FNIP1: variants seen among roughly 807,000 people sequenced by gnomAD.
The protein encoded by FNIP1 is folliculin-interacting protein 1.
Under a neutral mutation model 124.5 loss-of-function variants are expected in FNIP1, and 40 were observed. The ratio of observed to expected loss-of-function variants is 0.32; its 90% CI spans 0.25 to 0.42. The LOEUF is 0.42. Among genes scored for constraint, FNIP1 ranks in the 10% least tolerant of loss-of-function variants. The pLI is 1.00. For missense variants in FNIP1, 1,176 were observed against 1,403.7 expected (o/e 0.84, Z 2.59); for synonymous variants, 472 against 470.6 (o/e 1.00, Z -0.04).
intron 11 of FNIP1, among the ~76,000 whole-genome samples, chr5:131,683,389 A>T (rs181793382): frequency 2.2e-3 from 334 of 151,966 alleles, no homozygotes; most frequent in Middle Eastern, 0.02. Context: ...GCTACTAAAA[A>T]TACAAAAAAA....
intron 7 of FNIP1, among the ~76,000 whole-genome samples, 186 bp from the exon 8 acceptor site, chr5:131,709,458 A>G (rs1421899841): frequency 6.6e-6 from 1 of 152,222 alleles, no homozygotes; most frequent in African/African-American, 2.4e-5. Context: ...AGCTCTGTGA[A>G]GATTTGATAC....
chr5:131,664,537 G>T (rs1767535095), intron 15 of FNIP1, among the ~76,000 whole-genome samples: 1 of 150,552 alleles, frequency 6.6e-6, no homozygotes, highest in African/African-American at 2.4e-5. Flanking sequence ...TGGGCAAGCT[G>T]AGATGGGAGA....
intron 11 of FNIP1, among the ~76,000 whole-genome samples, chr5:131,682,274 G>A (rs942263184): frequency 6.6e-6 from 1 of 152,138 alleles, no homozygotes; most frequent in Non-Finnish European, 1.5e-5. Context: ...TCCAATGAGA[G>A]CCTTTGCTTT....
chr5:131,677,973 G>A, intron 12 of FNIP1, 101 bp from the exon 13 acceptor site: 1 of 1,143,156 alleles, frequency 8.7e-7, no homozygotes, highest in Middle Eastern at 2.1e-4. Flanking sequence ...ATGTTCATGT[G>A]GCCAAATGGC....
intron 15 of FNIP1, among the ~76,000 whole-genome samples, chr5:131,657,736 C>CAAAAAAAAAAAA (rs59097834): frequency 6.1e-5 from 4 of 65,046 alleles, no homozygotes; most frequent in African/African-American, 2.5e-4. Flanking sequence ...GAAAATAAGG[C>CAAAAAAAAAAAA]AAAAAAAAAA....
chr5:131,751,426 GA>G (rs1348294398), intron 1 of FNIP1, among the ~76,000 whole-genome samples: 4 of 149,416 alleles, frequency 2.7e-5, no homozygotes, highest in Admixed American at 6.7e-5. Context: ...TCTTCCACTA[GA>G]AAAAAAAAGC....
intron 3 of FNIP1, among the ~76,000 whole-genome samples, chr5:131,725,660 C>T (rs1289741479): frequency 6.6e-6 from 1 of 152,196 alleles, no homozygotes; most frequent in East Asian, 1.9e-4. Context: ...AATTTGACTT[C>T]CTCTCTTCCT....
chr5:131,726,237 T>C (rs1388788017), intron 3 of FNIP1, among the ~76,000 whole-genome samples: 1 of 152,214 alleles, frequency 6.6e-6, no homozygotes, highest in Non-Finnish European at 1.5e-5. Context: ...TTTCCTTTTT[T>C]TCTATTGATT....
At chr5:131,691,038 A>G (rs1299625952) in intron 11 of FNIP1, among the ~76,000 whole-genome samples, 1 of 152,194 alleles carries the variant, frequency 6.6e-6, no homozygotes, top group African/African-American at 2.4e-5. Context: ...TACCTCATCC[A>G]AAAACAGGAG....
At chr5:131,735,588 G>T (rs547001699) in intron 2 of FNIP1, among the ~76,000 whole-genome samples, 6 of 146,918 alleles carry the variant, frequency 4.1e-5, no homozygotes, top group African/African-American at 1.5e-4. Context: ...ACATATACAC[G>T]TATTTATATA....
chr5:131,755,993 C>T lies in FNIP1; in HGVS notation c.93-11303G>A, dbSNP rs755387788. On this transcript the variant is annotated intron_variant, in intron 1 of 17. Transcript: ENST00000510461. ...TTGTACCACTGTATTCCAGCCTGGG[C>T]GACAGAGAGACTGTGTCAAAAAAAA... is the stretch of plus-strand genomic sequence containing the variant. Among the ~76,000 whole-genome samples, 158 of 146,398 alleles carry T rather than the reference C, an allele frequency of 1.1e-3. 2 individuals are homozygous for T. Among genetic ancestry groups the T allele is most frequent in the Non-Finnish European group, 4.3e-4 (29 of 67,074 alleles).
chr5:131,668,036 T>C (rs977160506), intron 15 of FNIP1, among the ~76,000 whole-genome samples: 1 of 152,200 alleles, frequency 6.6e-6, no homozygotes, highest in Non-Finnish European at 1.5e-5. Context: ...TTCTCAATAA[T>C]TGATGGCAGA....
chr5:131,675,695 T>C (rs1368767981), intron 13 of FNIP1, among the ~76,000 whole-genome samples: 1 of 151,786 alleles, frequency 6.6e-6, no homozygotes, highest in Non-Finnish European at 1.5e-5. Flanking sequence ...AGTGGCTGCC[T>C]AGGGATGGTG....
At chr5:131,707,402 T>C (rs538168367) in intron 8 of FNIP1, among the ~76,000 whole-genome samples, 7 of 152,320 alleles carry the variant, frequency 4.6e-5, no homozygotes, top group Non-Finnish European at 8.8e-5. Context: ...CAGGGAACCA[T>C]TATCATCACT....
chr5:131,673,813 ATCAC>A (rs1240573501), intron 13 of FNIP1, among the ~76,000 whole-genome samples: 1 of 151,914 alleles, frequency 6.6e-6, no homozygotes, highest in Non-Finnish European at 1.5e-5. Context: ...AGATGGGTGG[ATCAC>A]TTGAGACCAG....
chr5:131,744,543 C>A, intron 2 of FNIP1, 21 bp downstream of exon 2: 1 of 1,570,410 alleles, frequency 6.4e-7, no homozygotes, highest in Admixed American at 1.8e-5. Flanking sequence ...AAAAGTCAAC[C>A]AAATCAATAA....
chr5:131,681,571 T>A (rs889312453), intron 11 of FNIP1, among the ~76,000 whole-genome samples: 1 of 151,396 alleles, frequency 6.6e-6, no homozygotes, highest in African/African-American at 2.4e-5. Context: ...AAAACTCTAA[T>A]GTACATTAAA....
intron 15 of FNIP1, among the ~76,000 whole-genome samples, chr5:131,669,488 A>G (rs31590): frequency 0.78 from 119,167 of 151,980 alleles, 46,962 homozygotes; most frequent in African/African-American, 0.83. Context: ...ACAGAGTGGG[A>G]ATTGCTTCCT....
intron 14 of FNIP1, among the ~76,000 whole-genome samples, chr5:131,671,213 A>G (rs1442567870): frequency 6.6e-6 from 1 of 152,188 alleles, no homozygotes; most frequent in Non-Finnish European, 1.5e-5. Context: ...GGCTCAGCAT[A>G]TGTCCTTTGG....
Sources: gnomAD v4.1 joint callset for allele counts (sites outside exome capture counted in the v4.1 genomes callset) on GRCh38, gnomAD v4.1.1 for gene constraint, MANE v1.5 for transcripts, NCBI Gene and HGNC (gene_info 2026-07-23, HGNC 2026-07-21) for gene names.